The following UNC5D variants were observed in gnomAD, a reference collection of about 807,000 sequenced individuals.
UNC5D encodes the protein netrin receptor UNC5D.
UNC5D carries 39 observed loss-of-function variants against 105.4 expected under a neutral mutation model. The observed-to-expected ratio is 0.37, with a 90% CI of 0.29 to 0.48. UNC5D has a LOEUF of 0.48. Ranked by LOEUF, UNC5D falls within the 20% of genes least tolerant of loss-of-function variation. The probability of loss-of-function intolerance (pLI) is 0.98; values close to 1 mark genes in which losing one functional copy is unlikely to be tolerated. For synonymous variants in UNC5D, 452 were observed against 450.4 expected (o/e 1.00, Z -0.04); for missense variants, 991 against 1,202.4 (o/e 0.82, Z 2.60).
chr8:35,705,893 A>C, intron 7 of UNC5D, 36 bp from the exon 8 acceptor site: 1 of 1,290,962 alleles, frequency 7.7e-7, no homozygotes, highest in South Asian at 1.3e-5. Flanking sequence ...AAATTTATTA[A>C]ATGCAACTTT....
intron 1 of UNC5D, among the ~76,000 whole-genome samples, chr8:35,307,178 G>T (rs1477331199): frequency 6.6e-6 from 1 of 152,130 alleles, no homozygotes; most frequent in Non-Finnish European, 1.5e-5. Flanking sequence ...TTTTTGTTGG[G>T]CTCTGTTCAA....
At chr8:35,523,083 TA>T (rs1259959596) in intron 1 of UNC5D, among the ~76,000 whole-genome samples, 1 of 146,450 alleles carries the variant, frequency 6.8e-6, no homozygotes, top group Non-Finnish European at 1.5e-5. Context: ...GCCATTGTAT[TA>T]GTTTTTTTTT....
At chr8:35,317,493 A>G (rs1456007015) in intron 1 of UNC5D, among the ~76,000 whole-genome samples, 3 of 152,188 alleles carry the variant, frequency 2.0e-5, no homozygotes, top group Non-Finnish European at 4.4e-5. Context: ...TAATTATAAC[A>G]GTTTATCAGG....
intron 1 of UNC5D, among the ~76,000 whole-genome samples, chr8:35,290,494 G>C (rs1806966687): frequency 6.6e-6 from 1 of 152,010 alleles, no homozygotes; most frequent in African/African-American, 2.4e-5. Context: ...GGGTTGGGGA[G>C]GGAGGGAATG....
chr8:35,249,154 A>G (rs1318091286), intron 1 of UNC5D, among the ~76,000 whole-genome samples: 7 of 138,778 alleles, frequency 5.0e-5, no homozygotes, highest in Non-Finnish European at 1.1e-4. Context: ...TAAAATCTAC[A>G]TAAAATATAT....
intron 1 of UNC5D, among the ~76,000 whole-genome samples, chr8:35,464,206 A>C (rs1367137735): frequency 1.3e-5 from 2 of 152,126 alleles, no homozygotes; most frequent in Non-Finnish European, 2.9e-5. Context: ...AGGTACCTGT[A>C]ATCCTAGTTA....
At chr8:35,570,462 T>C (rs529392576) in intron 3 of UNC5D, among the ~76,000 whole-genome samples, 2 of 152,354 alleles carry the variant, frequency 1.3e-5, no homozygotes, top group African/African-American at 4.8e-5. Flanking sequence ...AATCATCGGC[T>C]ATTATTTTAT....
chr8:35,703,185 A>AT lies in UNC5D; in HGVS notation c.1085-2731dup, dbSNP rs199566012. ...TCTCTAAGCAGCAGCACAAATAGGC[A>AT]TTTTTTTTTTTTTACTCTGACAATG... On this transcript the variant is annotated intron_variant, in intron 7 of 16. Coordinates refer to ENST00000404895, the MANE Select transcript of UNC5D (RefSeq NM_080872.4). Among the ~76,000 whole-genome samples the AT allele has an allele frequency of 3.2e-3, 464 of 145,194 alleles. 1 individual carries two copies. The highest frequency in any genetic ancestry group is 8.5e-3 in the South Asian group (39 of 4,562).
intron 14 of UNC5D, 115 bp downstream of exon 14, chr8:35,759,584 C>T: frequency 8.3e-7 from 1 of 1,207,150 alleles, no homozygotes; most frequent in Non-Finnish European, 1.2e-6. Context: ...TGGATTTCAC[C>T]TCAAAACTGT....
intron 1 of UNC5D, among the ~76,000 whole-genome samples, chr8:35,260,538 T>C (rs965187338): frequency 6.6e-6 from 1 of 152,184 alleles, no homozygotes; most frequent in African/African-American, 2.4e-5. Context: ...TGGCATGATC[T>C]GTGCTCATTG....
chr8:35,456,359 A>G (rs1174368958), intron 1 of UNC5D, among the ~76,000 whole-genome samples: 3 of 152,164 alleles, frequency 2.0e-5, no homozygotes, highest in African/African-American at 7.2e-5. Context: ...GAATGGAGCT[A>G]AGATTTTACA....
chr8:35,537,947 T>C (rs1814959424), intron 1 of UNC5D, among the ~76,000 whole-genome samples: 1 of 152,100 alleles, frequency 6.6e-6, no homozygotes, highest in African/African-American at 2.4e-5. Context: ...GTAATATAAA[T>C]AATGAAGGGT....
intron 3 of UNC5D, among the ~76,000 whole-genome samples, chr8:35,589,826 A>G (rs1423014041): frequency 6.6e-6 from 1 of 152,138 alleles, no homozygotes; most frequent in East Asian, 1.9e-4. Context: ...AACGTGCATC[A>G]ATATTCTTTC....
intron 4 of UNC5D, among the ~76,000 whole-genome samples, chr8:35,640,209 C>T (rs924622257): frequency 4.6e-5 from 7 of 152,126 alleles, no homozygotes; most frequent in Middle Eastern, 3.4e-3. Flanking sequence ...TTGTATGTAA[C>T]AACGTTAAAC....
intron 1 of UNC5D, among the ~76,000 whole-genome samples, chr8:35,300,765 T>C (rs1406388116): frequency 1.3e-5 from 2 of 152,138 alleles, no homozygotes; most frequent in African/African-American, 2.4e-5. Context: ...GAAGTTACTT[T>C]TGATGTTCTT....
intron 7 of UNC5D, among the ~76,000 whole-genome samples, chr8:35,689,362 A>G (rs1043632005): frequency 2.6e-5 from 4 of 152,250 alleles, no homozygotes; most frequent in Admixed American, 1.3e-4. Flanking sequence ...ATCAGCACTG[A>G]GAGTGTACTG....
At chr8:35,245,923 C>G (rs1803062921) in intron 1 of UNC5D, among the ~76,000 whole-genome samples, 1 of 152,164 alleles carries the variant, frequency 6.6e-6, no homozygotes, top group Non-Finnish European at 1.5e-5. Flanking sequence ...GATGTAATCA[C>G]AATTTTGACT....
intron 15 of UNC5D, among the ~76,000 whole-genome samples, chr8:35,771,476 A>G (rs1215682440): frequency 6.6e-6 from 1 of 152,262 alleles, no homozygotes; most frequent in Non-Finnish European, 1.5e-5. Flanking sequence ...AAAATATGCA[A>G]GGATACTATT....
At chr8:35,266,011 G>T (rs750920434) in intron 1 of UNC5D, among the ~76,000 whole-genome samples, 9 of 152,010 alleles carry the variant, frequency 5.9e-5, no homozygotes, top group Admixed American at 6.6e-5. Context: ...GAAGTAAGGT[G>T]ATGGGTACAT....
Sources: gnomAD v4.1 joint callset for allele counts (sites outside exome capture counted in the v4.1 genomes callset) on GRCh38, gnomAD v4.1.1 for gene constraint, MANE v1.5 for transcripts, NCBI Gene and HGNC (gene_info 2026-07-23, HGNC 2026-07-21) for gene names.